The following DCAF5 variants were observed in gnomAD, a reference collection of about 807,000 sequenced individuals.
The protein encoded by DCAF5 is DDB1- and CUL4-associated factor 5.
A neutral mutation model predicts 80.7 loss-of-function variants in DCAF5; 9 were observed. The observed-to-expected ratio is 0.11, with a 90% CI of 0.07 to 0.19. The LOEUF (loss-of-function observed/expected upper bound fraction) is 0.19, where lower values mean the gene tolerates loss of function less well. DCAF5 is among the 10% of genes least tolerant of loss of function. DCAF5 has a pLI of 1.00. For synonymous variants in DCAF5, 433 were observed against 461.9 expected (o/e 0.94, Z 0.80); for missense variants, 842 against 1,205.7 (o/e 0.70, Z 4.47).
rs75744046 is a variant in DCAF5, at chr14:69,126,567, C to A, written c.215-4207G>T. ...TTTTATGCATATCAGCAAAATGATT[C>A]TAATATTTATAGGAGAGGCAAAAGG... is the stretch of plus-strand genomic sequence containing the variant. On this transcript the variant is annotated intron_variant, in intron 1 of 8. Transcript: ENST00000341516. Among the ~76,000 whole-genome samples the A allele has an allele frequency of 4.6e-3, 698 of 152,264 alleles. 16 individuals are homozygous for A. The highest frequency in any genetic ancestry group is 0.042 in the East Asian group (218 of 5,186).
chr14:69,137,385 C>T (rs181872269), intron 1 of DCAF5, among the ~76,000 whole-genome samples: 3 of 152,174 alleles, frequency 2.0e-5, no homozygotes, highest in Non-Finnish European at 2.9e-5. Context: ...GGACAATATG[C>T]TCTCCTGATT....
intron 6 of DCAF5, among the ~76,000 whole-genome samples, chr14:69,077,326 C>T (rs1307303967): frequency 2.0e-5 from 3 of 152,058 alleles, no homozygotes; most frequent in Non-Finnish European, 2.9e-5. Flanking sequence ...CTTCAGCCTC[C>T]CCAGGAGATG....
intron 7 of DCAF5, among the ~76,000 whole-genome samples, chr14:69,065,093 C>T (rs1018941304): frequency 7.9e-6 from 1 of 127,378 alleles, no homozygotes; most frequent in African/African-American, 2.8e-5. Context: ...TGCAATATGA[C>T]CTCTTTTTTT....
intron 6 of DCAF5, among the ~76,000 whole-genome samples, chr14:69,085,946 G>A (rs2039301745): frequency 6.6e-6 from 1 of 152,218 alleles, no homozygotes. Context: ...ACAAGAAACT[G>A]AGTCTAGTCC....
At chr14:69,092,137 T>C (rs977703293) in intron 5 of DCAF5, among the ~76,000 whole-genome samples, 1 of 152,112 alleles carries the variant, frequency 6.6e-6, no homozygotes, top group Non-Finnish European at 1.5e-5. Flanking sequence ...AAGAAAAGGA[T>C]AACAAAAACA....
chr14:69,106,431 C>A (rs928697958), intron 5 of DCAF5, among the ~76,000 whole-genome samples: 1 of 151,972 alleles, frequency 6.6e-6, no homozygotes, highest in Non-Finnish European at 1.5e-5. Flanking sequence ...TGCAGTGGTG[C>A]AATCATGGCT....
intron 1 of DCAF5, among the ~76,000 whole-genome samples, chr14:69,138,906 G>C (rs1309084374): frequency 6.6e-6 from 1 of 152,214 alleles, no homozygotes; most frequent in Non-Finnish European, 1.5e-5. Flanking sequence ...AGCACTCTGG[G>C]AAGTTGAGGT....
At chr14:69,133,554 C>CAGGCAGGTCTGGG (rs1566783542) in intron 1 of DCAF5, among the ~76,000 whole-genome samples, 2 of 151,774 alleles carry the variant, frequency 1.3e-5, no homozygotes, top group East Asian at 3.9e-4. Flanking sequence ...AGGGAAGAGG[C>CAGGCAGGTCTGGG]GGGGGTACAG....
chr14:69,144,151 A>G lies in DCAF5; in HGVS notation c.214+8614T>C, dbSNP rs530847132. Among the ~76,000 whole-genome samples, 3 of 152,240 alleles carry G rather than the reference A, an allele frequency of 2.0e-5. No individual in the cohort carries two copies. In the South Asian group the frequency reaches 6.2e-4, roughly 32 times the overall value. On this transcript the variant is annotated intron_variant, in intron 1 of 8. Coordinates refer to ENST00000341516, the MANE Select transcript of DCAF5 (RefSeq NM_003861.3). ...ACTACAAATCTCATTGCCTTTCTAC[A>G]CTACAGGTAACGCTGGCTATTTTCC...
In DCAF5 at chr14:69,152,953, C is replaced by T. The variant is rs375118926; in HGVS notation, c.26G>A (p.Gly9Asp). Residue 9 changes from glycine to aspartate, a missense_variant, in exon 1 of 9, where the codon GGC becomes GAC. Gly to Asp is a moderately conservative substitution (Grantham distance 94). This residue lies in a region of DCAF5 where 28 missense variants were observed against 28.7 expected (regional missense o/e 0.98). Coordinates refer to ENST00000341516, the MANE Select transcript of DCAF5 (RefSeq NM_003861.3). This position sits in a 1 kb window ranked among gnomAD's most constrained non-coding sequence, Gnocchi z 4.1. ...GAAGCCCACCACTGACCTCATGCTGCCCCCCAGGCCAGCTCTCCTCTTCAT... is the reference window on the plus strand; with the variant it reads ...GAAGCCCACCACTGACCTCATGCTGTCCCCCAGGCCAGCTCTCCTCTTCAT... The part of the protein sequence containing the change: MKRRAGLG[G>D]SMRSVVGFLS... The T allele has an allele frequency of 1.1e-5, 18 of 1,610,298 alleles. No individual in the cohort carries two copies. The highest frequency in any genetic ancestry group is 1.4e-5 in the Non-Finnish European group (16 of 1,179,022).
intron 5 of DCAF5, 62 bp from the exon 6 acceptor site, chr14:69,091,949 C>T (rs1432691873): frequency 1.4e-6 from 2 of 1,429,444 alleles, no homozygotes; most frequent in East Asian, 4.9e-5. Context: ...CTGAAAAACA[C>T]ATGTTTGCCT....
At chr14:69,150,722 CAAAA>C (rs11442310) in intron 1 of DCAF5, among the ~76,000 whole-genome samples, 1 of 137,308 alleles carries the variant, frequency 7.3e-6, no homozygotes, top group South Asian at 2.4e-4. Context: ...TCCACCTCTA[CAAAA>C]AAAAAAAAAG....
intron 2 of DCAF5, among the ~76,000 whole-genome samples, chr14:69,119,704 C>CA (rs33936553): frequency 3.9e-4 from 55 of 139,980 alleles, no homozygotes; most frequent in South Asian, 2.5e-3. Flanking sequence ...GAGACTGTCT[C>CA]AAAAAAAAAA....
intron 1 of DCAF5, among the ~76,000 whole-genome samples, chr14:69,139,463 G>A (rs1011464341): frequency 6.6e-6 from 1 of 151,916 alleles, no homozygotes; most frequent in African/African-American, 2.4e-5. Context: ...TCATGCCACT[G>A]CACTTTAGCC....
chr14:69,149,010 G>A (rs1000726486), intron 1 of DCAF5, among the ~76,000 whole-genome samples: 2 of 152,150 alleles, frequency 1.3e-5, no homozygotes, highest in African/African-American at 2.4e-5. Flanking sequence ...TAACAATACT[G>A]TAATAACAAA....
At chr14:69,102,377 G>C (rs2039984936) in intron 5 of DCAF5, among the ~76,000 whole-genome samples, 1 of 151,878 alleles carries the variant, frequency 6.6e-6, no homozygotes, top group Non-Finnish European at 1.5e-5. Flanking sequence ...AAAGTGCTGG[G>C]ATTACGGGCA....
chr14:69,147,350 AAAC>A (rs963036931), intron 1 of DCAF5, among the ~76,000 whole-genome samples: 7 of 152,224 alleles, frequency 4.6e-5, no homozygotes, highest in Non-Finnish European at 7.3e-5. Flanking sequence ...CATTCAAGGG[AAAC>A]AACAACAACA....
At chr14:69,103,811 T>A (rs1332970352) in intron 5 of DCAF5, among the ~76,000 whole-genome samples, 1 of 152,258 alleles carries the variant, frequency 6.6e-6, no homozygotes, top group Non-Finnish European at 1.5e-5. Flanking sequence ...TAATCTGTAC[T>A]TATCTTGAGA....
Position 69,051,475 on chromosome 14 carries a change from T to G in DCAF5, c.*2382A>C, listed in dbSNP as rs1035406443. 1 of 152,196 alleles carries G rather than the reference T, an allele frequency of 6.6e-6. No individual in the cohort carries two copies. The highest frequency in any genetic ancestry group is 2.4e-5 in the African/African-American group (1 of 41,442). The allele number at this position is 152,196 out of a possible 1,614,324, so 9.4% of individuals were successfully genotyped here. On this transcript the variant is annotated 3_prime_UTR_variant, in exon 9 of 9. Transcript: ENST00000341516. ...TCACCCTGCTCATGTGTGTGTCTTA[T>G]GGGGCCTATCACCCGGTAAGCTGAG...
Sources: allele counts gnomAD v4.1 joint callset (sites outside exome capture counted in the v4.1 genomes callset), GRCh38; gene constraint gnomAD v4.1.1; regional missense constraint gnomAD v4.1.1; non-coding constraint Gnocchi (gnomAD v3.1); transcripts MANE v1.5; gene names NCBI Gene and HGNC (gene_info 2026-07-23, HGNC 2026-07-21).